Variants in APLP2 observed in about 807,000 individuals in gnomAD.
APLP2 encodes the protein CDEI box-binding protein.
In APLP2, 53 loss-of-function variants were observed where a neutral mutation model predicts 89.9. The observed-to-expected ratio is 0.59, with a 90% CI of 0.47 to 0.74. The LOEUF is 0.74. APLP2 is among the 30% of genes least tolerant of loss of function. APLP2 has a pLI of 0.00. For synonymous variants in APLP2, 372 were observed against 348.6 expected (o/e 1.07, Z -0.75); for missense variants, 973 against 975.9 (o/e 1.00, Z 0.04).
chr11:130,125,114 C>G (rs1007307927), intron 7 of APLP2, among the ~76,000 whole-genome samples: 1 of 152,194 alleles, frequency 6.6e-6, no homozygotes, highest in Non-Finnish European at 1.5e-5. Context: ...TGAGAAGCAT[C>G]AAGTTTACTT....
At position 130,141,677 on chromosome 11, in the gene APLP2, A is replaced by G; in HGVS notation, c.1998+105A>G. 1 of 1,053,270 alleles carries G rather than the reference A, an allele frequency of 9.5e-7. No individual in the cohort carries two copies. Among genetic ancestry groups the G allele is most frequent in the Non-Finnish European group, 1.4e-6 (1 of 707,674 alleles). 65.2% of individuals were successfully genotyped at this position (1,053,270 alleles called of 1,614,324 possible). ...AAACGGGAGAGATGCCTGAGCTAAT[A>G]AGGGTCCCTCATCCCCAGCTTTCCG... On this transcript the variant is annotated intron_variant, in intron 15 of 16. Coordinates refer to ENST00000338167, the MANE Select transcript of APLP2 (RefSeq NM_001142276.2). The surrounding 1 kb of genome is among the most constrained non-coding windows in gnomAD (Gnocchi z 4.2).
At position 130,098,418 on chromosome 11, in the gene APLP2, A is replaced by G. The variant is rs1326875392; in HGVS notation, c.106-11011A>G. On this transcript the variant is annotated intron_variant, in intron 1 of 16. Transcript: ENST00000338167. ...GACTCCGTCTCAAAAAAAAAAAAAA[A>G]GATGTTTTCAGTTGCATGAATTTGT... is the stretch of plus-strand genomic sequence containing the variant. Among the ~76,000 whole-genome samples the G allele has an allele frequency of 2.6e-5, 4 of 152,094 alleles. No individual in the cohort carries two copies. In the East Asian group the frequency reaches 7.7e-4, roughly 29 times the overall value.
intron 3 of APLP2, among the ~76,000 whole-genome samples, chr11:130,117,232 C>G (rs1949295877): frequency 6.6e-6 from 1 of 152,126 alleles, no homozygotes; most frequent in African/African-American, 2.4e-5. Flanking sequence ...CATGGAATAG[C>G]TGAAGATTAG....
At chr11:130,098,517 T>A (rs1156907441) in intron 1 of APLP2, among the ~76,000 whole-genome samples, 3 of 152,240 alleles carry the variant, frequency 2.0e-5, no homozygotes, top group Non-Finnish European at 4.4e-5. Context: ...TGACATTGGT[T>A]ATTCATGTTT....
chr11:130,130,230 G>A (rs1245803243), intron 11 of APLP2, 64 bp downstream of exon 11: 106 of 1,605,304 alleles, frequency 6.6e-5, no homozygotes, highest in Non-Finnish European at 8.9e-5. Context: ...ATAATGCCTT[G>A]ACTAATGGTT....
intron 1 of APLP2, among the ~76,000 whole-genome samples, chr11:130,071,391 C>T (rs1435192122): frequency 2.6e-5 from 4 of 152,178 alleles, no homozygotes; most frequent in South Asian, 2.1e-4. Flanking sequence ...AAATAGTTAA[C>T]GTTTATCTAC....
At chr11:130,078,192 A>G (rs1209348305) in intron 1 of APLP2, among the ~76,000 whole-genome samples, 13 of 150,550 alleles carry the variant, frequency 8.6e-5, no homozygotes, top group Non-Finnish European at 1.5e-4. Context: ...GCTTCATATA[A>G]GTGGAATCAT....
At position 130,100,941 on chromosome 11, in the gene APLP2, A is replaced by G. The variant is rs150613080; in HGVS notation, c.106-8488A>G. On this transcript the variant is annotated intron_variant, in intron 1 of 16. Transcript: ENST00000338167. ...CTATACAACCGGAAAATGCTTAACA[A>G]GAATCCTGCTATTTTATTAGATAGT... Among the ~76,000 whole-genome samples the G allele has an allele frequency of 2.7e-4, 41 of 152,370 alleles. 1 individual carries two copies. In the East Asian group the frequency reaches 7.5e-3, roughly 28 times the overall value.
At chr11:130,128,970 C>A in intron 9 of APLP2, 78 bp from the exon 10 acceptor site, 1 of 1,506,630 alleles carries the variant, frequency 6.6e-7, no homozygotes, top group South Asian at 1.3e-5. Context: ...ACAGGAGAAG[C>A]ACTGGGGTCT....
chr11:130,097,099 T>A (rs2135626332), intron 1 of APLP2, among the ~76,000 whole-genome samples: 1 of 152,360 alleles, frequency 6.6e-6, no homozygotes, highest in Middle Eastern at 3.4e-3. Context: ...ACAGGAAAGA[T>A]GTCTTTTAAC....
intron 1 of APLP2, among the ~76,000 whole-genome samples, chr11:130,108,071 G>A (rs1445042073): frequency 6.6e-6 from 1 of 152,046 alleles, no homozygotes; most frequent in African/African-American, 2.4e-5. Context: ...AATTCAAGAT[G>A]GATTAAAGAC....
chr11:130,074,217 TTTTG>T lies in APLP2; in HGVS notation c.105+4139_105+4142del, dbSNP rs1217066740. Among the ~76,000 whole-genome samples, 5 of 152,282 alleles carry T rather than the reference TTTTG, an allele frequency of 3.3e-5. No homozygotes were observed. In the East Asian group the frequency reaches 7.7e-4, roughly 24 times the overall value. ...ACATGTTTTGTTGTTGTTGTTGTTG[TTTTG>T]TTTTTCTTTTTTGAGTTGGAGTCTC... On this transcript the variant is annotated intron_variant, in intron 1 of 16. Coordinates refer to ENST00000338167, the MANE Select transcript of APLP2 (RefSeq NM_001142276.2).
At chr11:130,091,642 G>T (rs2135544931) in intron 1 of APLP2, among the ~76,000 whole-genome samples, 1 of 119,160 alleles carries the variant, frequency 8.4e-6, no homozygotes, top group East Asian at 3.0e-4. Context: ...GGGCTGAGGG[G>T]CTCCTCACTT....
intron 7 of APLP2, among the ~76,000 whole-genome samples, chr11:130,124,959 G>A (rs1289077315): frequency 1.3e-5 from 2 of 152,236 alleles, no homozygotes; most frequent in African/African-American, 2.4e-5. Context: ...ATCTCTACCC[G>A]AAGGGTCAGC....
intron 1 of APLP2, among the ~76,000 whole-genome samples, chr11:130,090,609 G>A (rs1410019599): frequency 6.6e-6 from 1 of 151,756 alleles, no homozygotes; most frequent in Non-Finnish European, 1.5e-5. Flanking sequence ...GGATCCCAAG[G>A]CAGAGGAATT....
intron 1 of APLP2, among the ~76,000 whole-genome samples, chr11:130,081,764 C>T (rs1173491520): frequency 2.6e-5 from 4 of 152,098 alleles, no homozygotes; most frequent in Admixed American, 2.6e-4. Flanking sequence ...TAGAGGACTG[C>T]CTATTTTGTA....
chr11:130,076,364 T>G (rs7941615), intron 1 of APLP2, among the ~76,000 whole-genome samples: 1 of 152,084 alleles, frequency 6.6e-6, no homozygotes, highest in Admixed American at 6.5e-5. Flanking sequence ...CATGAGCCAC[T>G]GCGGGCCCAG....
chr11:130,105,593 T>G (rs530197672), intron 1 of APLP2, among the ~76,000 whole-genome samples: 1 of 152,338 alleles, frequency 6.6e-6, no homozygotes, highest in South Asian at 2.1e-4. Context: ...GAAGAAAGTT[T>G]TGCAGTTGGG....
At chr11:130,115,962 TTAAC>T (rs1451706303) in intron 3 of APLP2, among the ~76,000 whole-genome samples, 2 of 152,246 alleles carry the variant, frequency 1.3e-5, no homozygotes, top group Non-Finnish European at 2.9e-5. Context: ...TTAACTGTGA[TTAAC>T]ATTTTGGGGT....
Sources: gnomAD v4.1 joint callset for allele counts (sites outside exome capture counted in the v4.1 genomes callset) on GRCh38, gnomAD v4.1.1 for gene constraint, Gnocchi (gnomAD v3.1) non-coding constraint, MANE v1.5 for transcripts, NCBI Gene and HGNC (gene_info 2026-07-23, HGNC 2026-07-21) for gene names.